Variants in RSU1 observed in about 807,000 individuals in gnomAD.
RSU1 encodes Ras suppressor protein 1.
Under a neutral mutation model 31.1 loss-of-function variants are expected in RSU1, and 26 were observed. The observed-to-expected ratio is 0.84, with a 90% CI of 0.61 to 1.16. The LOEUF (loss-of-function observed/expected upper bound fraction) is 1.16. Ranked by LOEUF, RSU1 falls within the 50% of genes most tolerant of loss-of-function variation. RSU1 has a pLI of 0.00. For synonymous variants in RSU1, 164 were observed against 136.3 expected (o/e 1.20, Z -1.41); for missense variants, 320 against 339.1 (o/e 0.94, Z 0.44).
At position 16,592,534 on chromosome 10, in the gene RSU1, G is replaced by C. The variant is rs552324159; in HGVS notation, c.*860C>G. On this transcript the variant is annotated 3_prime_UTR_variant, in exon 9 of 9. Coordinates refer to ENST00000345264, the MANE Select transcript of RSU1 (RefSeq NM_012425.4). ...CGCTTAGAAGAATGCTTCGATGCGA[G>C]CAGATTTTCCGCCGTGACAAAATAC... 6.6e-6 allele frequency: 1 copy of C among 152,264 alleles called. No homozygotes were observed. Among genetic ancestry groups the C allele is most frequent in the South Asian group, 2.1e-4 (1 of 4,824 alleles). The allele number at this position is 152,264 out of a possible 1,614,324, so 9.4% of individuals were successfully genotyped here. A position where few individuals can be genotyped will look rare whatever the true frequency, so the allele number is the denominator to read the frequency against.
chr10:16,813,087 G>A (rs192788832), intron 2 of RSU1, among the ~76,000 whole-genome samples: 150 of 150,484 alleles, frequency 1.0e-3, no homozygotes, highest in African/African-American at 3.3e-3. Flanking sequence ...TCCTCCCACC[G>A]CAGCCTCCCT....
intron 4 of RSU1, among the ~76,000 whole-genome samples, chr10:16,764,180 T>G (rs1474844393): frequency 6.6e-6 from 1 of 152,218 alleles, no homozygotes; most frequent in Admixed American, 6.5e-5. Context: ...CGCCAACAAT[T>G]AGCCTCTCAA....
At chr10:16,744,067 T>C (rs7076983) in intron 7 of RSU1, among the ~76,000 whole-genome samples, 31,319 of 151,018 alleles carry the variant, frequency 0.21, 3,431 homozygotes, top group African/African-American at 0.25. Context: ...AAGGTCAAGG[T>C]TGTAGTGAGC....
At chr10:16,724,107 A>C in intron 7 of RSU1, among the ~76,000 whole-genome samples, 1 of 151,838 alleles carries the variant, frequency 6.6e-6, no homozygotes, top group East Asian at 1.9e-4. Context: ...TGTCCAGCTA[A>C]TTTTTTTGTA....
intron 7 of RSU1, among the ~76,000 whole-genome samples, chr10:16,696,219 G>C (rs1237993888): frequency 6.6e-6 from 1 of 152,118 alleles, no homozygotes; most frequent in African/African-American, 2.4e-5. Flanking sequence ...AAAGATTTTT[G>C]CTAAGACACA....
chr10:16,752,860 A>G (rs537296659), intron 6 of RSU1, 58 bp downstream of exon 6: 143 of 1,446,452 alleles, frequency 9.9e-5, no homozygotes, highest in Non-Finnish European at 1.3e-4. Flanking sequence ...ACTTGATTCT[A>G]CCCCTACAAG....
chr10:16,785,980 T>C (rs894744886), intron 2 of RSU1, among the ~76,000 whole-genome samples: 2 of 152,040 alleles, frequency 1.3e-5, no homozygotes, highest in African/African-American at 4.8e-5. Flanking sequence ...CCCCCCACAA[T>C]TGGGATATCT....
At chr10:16,763,815 A>G (rs1303424419) in intron 4 of RSU1, among the ~76,000 whole-genome samples, 1 of 152,218 alleles carries the variant, frequency 6.6e-6, no homozygotes, top group East Asian at 1.9e-4. Context: ...CTGCAAAGCA[A>G]TACACAAAAA....
At chr10:16,765,475 A>G (rs1837296460) in intron 3 of RSU1, among the ~76,000 whole-genome samples, 3 of 152,180 alleles carry the variant, frequency 2.0e-5, no homozygotes. Flanking sequence ...AAAGGTGAAA[A>G]TCAGCCACTG....
At position 16,593,272 on chromosome 10, in the gene RSU1, G is replaced by A; in HGVS notation, c.*122C>T. 1 of 1,490,728 alleles carries A rather than the reference G, an allele frequency of 6.7e-7. No homozygotes were observed. The allele number at this position is 1,490,728 out of a possible 1,614,324, so 92.3% of individuals were successfully genotyped here. On this transcript the variant is annotated 3_prime_UTR_variant, in exon 9 of 9. Transcript: ENST00000345264. ...TAAGGTGGGAAGCATTAGAAAGAGA[G>A]TGAAAAGAAAAATAAAAAAGGCCTC...
chr10:16,711,389 T>G (rs893498775), intron 7 of RSU1, among the ~76,000 whole-genome samples: 1 of 152,202 alleles, frequency 6.6e-6, no homozygotes. Context: ...TTTGTCTTTA[T>G]TTCTTCTCTG....
rs1833527446 is a variant in RSU1, at chr10:16,592,589, A to C, written c.*805T>G. Reference sequence around the variant, plus strand: ...TTGAGGTTTTTTCTCTCTCTCTTTCACAGTTCTTGTCTACCAGCCCCTGGC... The same window carrying C: ...TTGAGGTTTTTTCTCTCTCTCTTTCCCAGTTCTTGTCTACCAGCCCCTGGC... On this transcript the variant is annotated 3_prime_UTR_variant, in exon 9 of 9. Coordinates refer to ENST00000345264, the MANE Select transcript of RSU1 (RefSeq NM_012425.4). The C allele has an allele frequency of 6.6e-6, 1 of 152,064 alleles. No homozygotes were observed. Among genetic ancestry groups the C allele is most frequent in the Non-Finnish European group, 1.5e-5 (1 of 68,008 alleles). The allele number at this position is 152,064 out of a possible 1,614,324, so 9.4% of individuals were successfully genotyped here.
At chr10:16,721,797 A>G (rs772827142) in intron 7 of RSU1, 31 of 152,162 alleles carry the variant, frequency 2.0e-4, no homozygotes, top group Admixed American at 2.0e-4. Context: ...TGTACTAGCA[A>G]TATGAACTTG....
At chr10:16,703,156 A>G (rs1468533089) in intron 7 of RSU1, among the ~76,000 whole-genome samples, 1 of 152,210 alleles carries the variant, frequency 6.6e-6, no homozygotes, top group Non-Finnish European at 1.5e-5. Context: ...CCTCCCCAGA[A>G]GCCGAGCAGA....
rs574314630 is a variant in RSU1 at position 16,786,034 on chromosome 10, T to G, written c.110-3950A>C. On this transcript the variant is annotated intron_variant, in intron 2 of 8. Coordinates refer to ENST00000345264, the MANE Select transcript of RSU1 (RefSeq NM_012425.4). ...TTTGGATTGTAACAACTGTGGCCAC[T>G]AGAAAATCTAAAATTTCGTTGGTGA... 2.0e-5 allele frequency among the ~76,000 whole-genome samples: 3 copies of G among 152,256 alleles called. No individual in the cohort carries two copies. In the South Asian group the frequency reaches 6.2e-4, roughly 32 times the overall value.
intron 7 of RSU1, among the ~76,000 whole-genome samples, chr10:16,725,725 G>C (rs1588496011): frequency 6.6e-6 from 1 of 150,884 alleles, no homozygotes; most frequent in Non-Finnish European, 1.5e-5. Context: ...TCCGCTCCTT[G>C]ATCTCAGGCT....
intron 7 of RSU1, among the ~76,000 whole-genome samples, chr10:16,736,237 CA>C (rs1836623625): frequency 6.6e-6 from 1 of 151,968 alleles, no homozygotes; most frequent in Admixed American, 6.6e-5. Flanking sequence ...AAAGAAAAAA[CA>C]AAAACTACCA....
At chr10:16,792,001 G>A (rs1414476899) in intron 2 of RSU1, among the ~76,000 whole-genome samples, 1 of 152,156 alleles carries the variant, frequency 6.6e-6, no homozygotes, top group African/African-American at 2.4e-5. Flanking sequence ...ACAGATGAGG[G>A]CGAACAAAGC....
chr10:16,740,207 A>T (rs550513365), intron 7 of RSU1, among the ~76,000 whole-genome samples: 2 of 152,292 alleles, frequency 1.3e-5, no homozygotes, highest in South Asian at 4.1e-4. Context: ...AATTTTAAGT[A>T]AAATACTAAC....
Sources: gnomAD v4.1 joint callset for allele counts (sites outside exome capture counted in the v4.1 genomes callset) on GRCh38, gnomAD v4.1.1 for gene constraint, MANE v1.5 for transcripts, NCBI Gene and HGNC (gene_info 2026-07-23, HGNC 2026-07-21) for gene names.